Variants in ZNF804B observed in about 807,000 individuals in gnomAD.
ZNF804B encodes zinc finger protein 804B, also known as zinc finger 804B.
Under a neutral mutation model 101.4 loss-of-function variants are expected in ZNF804B, and 80 were observed. The ratio of observed to expected loss-of-function variants is 0.79; its 90% CI spans 0.66 to 0.95. The LOEUF (loss-of-function observed/expected upper bound fraction) is 0.95. Ranked by LOEUF, ZNF804B falls within the 40% of genes least tolerant of loss-of-function variation. The probability of loss-of-function intolerance (pLI) is 0.00; values close to 1 mark genes in which losing one functional copy is unlikely to be tolerated. For missense variants in ZNF804B, 1,673 were observed against 1,561.9 expected, an observed-to-expected ratio of 1.07 and a Z score of -1.20; for synonymous variants, 622 against 558.8, an observed-to-expected ratio of 1.11 and a Z score of -1.59.
chr7:89,035,231 A>T (rs1172866732), intron 1 of ZNF804B, among the ~76,000 whole-genome samples: 1 of 152,166 alleles, frequency 6.6e-6, no homozygotes, highest in Non-Finnish European at 1.5e-5. Flanking sequence ...GGTTACTGTT[A>T]TAATTATTGA....
At chr7:89,140,618 G>C (rs1221626047) in intron 1 of ZNF804B, among the ~76,000 whole-genome samples, 3 of 152,002 alleles carry the variant, frequency 2.0e-5, no homozygotes, top group African/African-American at 7.2e-5. Context: ...ACCAACCTCT[G>C]CTAGCTGCTG....
chr7:89,015,327 TTTTTA>T (rs1446679609), intron 1 of ZNF804B, among the ~76,000 whole-genome samples: 1 of 151,322 alleles, frequency 6.6e-6, no homozygotes, highest in Non-Finnish European at 1.5e-5. Flanking sequence ...AATTATTTTA[TTTTTA>T]TTTTATTTAA....
intron 1 of ZNF804B, among the ~76,000 whole-genome samples, chr7:89,142,262 TTTTG>T (rs1253430783): frequency 3.3e-5 from 5 of 151,826 alleles, no homozygotes; most frequent in African/African-American, 4.8e-5. Context: ...AGGGTTTCTT[TTTTG>T]TTTGTTTGTT....
intron 1 of ZNF804B, among the ~76,000 whole-genome samples, chr7:88,858,348 GA>G (rs1166755788): frequency 6.6e-6 from 1 of 152,110 alleles, no homozygotes; most frequent in African/African-American, 2.4e-5. Flanking sequence ...TGGAAGGATA[GA>G]AAGTAACTTT....
At chr7:89,056,440 G>T (rs1218082773) in intron 1 of ZNF804B, among the ~76,000 whole-genome samples, 1 of 152,116 alleles carries the variant, frequency 6.6e-6, no homozygotes, top group Non-Finnish European at 1.5e-5. Flanking sequence ...AAAATAGACA[G>T]TATGTGTCTT....
At chr7:88,826,740 A>G (rs1053803469) in intron 1 of ZNF804B, among the ~76,000 whole-genome samples, 1 of 152,128 alleles carries the variant, frequency 6.6e-6, no homozygotes, top group African/African-American at 2.4e-5. Flanking sequence ...TTTTAAATGA[A>G]AAATGATGAA....
rs1322203113 is a variant in ZNF804B, at chr7:88,885,359, T to C, written c.108+125275T>C. 2.0e-5 allele frequency among the ~76,000 whole-genome samples: 3 copies of C among 151,858 alleles called. No individual in the cohort carries two copies. In the East Asian group the frequency reaches 5.8e-4, roughly 29 times the overall value. On this transcript the variant is annotated intron_variant, in intron 1 of 3. Transcript: ENST00000333190. Reference sequence around the variant, plus strand: ...TACTATGCTAATTTATCTTTTCTCATAGAACAATACCGGGTTTTCTCTGTG... The same window carrying C: ...TACTATGCTAATTTATCTTTTCTCACAGAACAATACCGGGTTTTCTCTGTG...
At chr7:89,196,612 A>G (rs1255872771) in intron 1 of ZNF804B, among the ~76,000 whole-genome samples, 1 of 152,162 alleles carries the variant, frequency 6.6e-6, no homozygotes, top group Non-Finnish European at 1.5e-5. Flanking sequence ...AACAAAAGCA[A>G]AAATTGACAA....
chr7:88,768,038 T>C (rs551957846), intron 1 of ZNF804B, among the ~76,000 whole-genome samples: 1 of 152,336 alleles, frequency 6.6e-6, no homozygotes, highest in South Asian at 2.1e-4. Context: ...TCTGCTGTCA[T>C]CCTTATGTCT....
At chr7:89,286,460 C>T (rs894039281) in intron 2 of ZNF804B, among the ~76,000 whole-genome samples, 1 of 152,134 alleles carries the variant, frequency 6.6e-6, no homozygotes, top group African/African-American at 2.4e-5. Context: ...GAGAAAACTG[C>T]TGAAATATTG....
At chr7:89,059,271 A>T (rs1789339607) in intron 1 of ZNF804B, among the ~76,000 whole-genome samples, 2 of 152,306 alleles carry the variant, frequency 1.3e-5, no homozygotes, top group South Asian at 2.1e-4. Context: ...ATAAAGAAAT[A>T]CCTGAGGCTG....
chr7:88,840,337 G>C (rs563689441), intron 1 of ZNF804B, among the ~76,000 whole-genome samples: 1 of 151,910 alleles, frequency 6.6e-6, no homozygotes, highest in Non-Finnish European at 1.5e-5. Context: ...TCCTATTACC[G>C]GGTCCTCTGC....
At chr7:88,995,103 G>A (rs1056310113) in intron 1 of ZNF804B, among the ~76,000 whole-genome samples, 1 of 152,020 alleles carries the variant, frequency 6.6e-6, no homozygotes, top group African/African-American at 2.4e-5. Flanking sequence ...CATATCGCCT[G>A]CCTATCTATT....
rs766968477 is a variant in ZNF804B, at chr7:89,335,503, A to G, written c.2521A>G (p.Lys841Glu). Reference sequence around the variant, plus strand: ...ACAGATTTCCTGTACTGGAAGCAGTAAAAAACCACCTAATTGCCAGGGAAC... The same window carrying G: ...ACAGATTTCCTGTACTGGAAGCAGTGAAAAACCACCTAATTGCCAGGGAAC... ...NSQISCTGSS[K>E]KPPNCQGTQH... Residue 841 changes from lysine to glutamate, a missense_variant, in exon 4 of 4, where the codon AAA becomes GAA. Transcript: ENST00000333190. The G allele has an allele frequency of 7.4e-6, 12 of 1,613,836 alleles. No homozygotes were observed. In the African/African-American group the frequency reaches 1.5e-4, roughly 20 times the overall value.
chr7:88,924,752 A>G (rs1792771115), intron 1 of ZNF804B, among the ~76,000 whole-genome samples: 1 of 152,098 alleles, frequency 6.6e-6, no homozygotes, highest in Non-Finnish European at 1.5e-5. Context: ...ATTTCTCATT[A>G]CTGTGTATTA....
rs990536744 is a variant in ZNF804B at position 89,217,158 on chromosome 7, A to T, written c.109-997A>T. On this transcript the variant is annotated intron_variant, in intron 1 of 3. Coordinates refer to ENST00000333190, the MANE Select transcript of ZNF804B (RefSeq NM_181646.5). ...ACATGAAAACAGATAATTTAATGCT[A>T]TGTGACATATCTGGTAATAGAATTA... 2.6e-5 allele frequency among the ~76,000 whole-genome samples: 4 copies of T among 152,216 alleles called. No homozygotes were observed. In the East Asian group the frequency reaches 7.7e-4, roughly 29 times the overall value.
intron 1 of ZNF804B, among the ~76,000 whole-genome samples, chr7:88,949,869 T>G (rs1562841457): frequency 6.6e-6 from 1 of 151,948 alleles, no homozygotes; most frequent in South Asian, 2.1e-4. Context: ...GTTTGTAGCC[T>G]AGGAGCGGTA....
intron 1 of ZNF804B, among the ~76,000 whole-genome samples, chr7:88,865,089 G>A (rs546266278): frequency 1.3e-5 from 2 of 151,816 alleles, no homozygotes; most frequent in African/African-American, 2.4e-5. Context: ...TTAGACAGGC[G>A]TGGTGACCCA....
At chr7:89,013,546 A>G (rs532511474) in intron 1 of ZNF804B, among the ~76,000 whole-genome samples, 51 of 152,342 alleles carry the variant, frequency 3.3e-4, no homozygotes, top group Non-Finnish European at 6.3e-4. Flanking sequence ...TTTATGGGGC[A>G]CATAGTGATG....
Sources: gnomAD v4.1 joint callset for allele counts (sites outside exome capture counted in the v4.1 genomes callset) on GRCh38, gnomAD v4.1.1 for gene constraint, MANE v1.5 for transcripts, NCBI Gene and HGNC (gene_info 2026-07-23, HGNC 2026-07-21) for gene names.